Variants in DIAPH2 observed in about 807,000 individuals in gnomAD.
DIAPH2 encodes diaphanous related formin 2.
Under a neutral mutation model 92.7 loss-of-function variants are expected in DIAPH2, and 35 were observed. The observed-to-expected ratio is 0.38, with a 90% CI of 0.29 to 0.50. DIAPH2 has a LOEUF of 0.50. DIAPH2 is among the 20% of genes least tolerant of loss of function. The pLI, the probability that DIAPH2 is intolerant of heterozygous loss-of-function variation, is 0.94. For missense variants in DIAPH2, 701 were observed against 819.5 expected (o/e 0.86, Z 1.77); for synonymous variants, 301 against 280.4 (o/e 1.07, Z -0.73).
At chrX:96,854,827 C>T (rs956280977) in intron 4 of DIAPH2, among the ~76,000 whole-genome samples, 16 of 106,445 alleles carry the variant, frequency 1.5e-4, no homozygotes, top group Non-Finnish European at 2.9e-4. Context: ...CTGCAATTTT[C>T]CATTTAATAT....
At chrX:97,084,459 T>A (rs2066769197) in intron 19 of DIAPH2, among the ~76,000 whole-genome samples, 1 of 111,257 alleles carries the variant, frequency 9.0e-6, no homozygotes, top group Non-Finnish European at 1.9e-5. Context: ...CCCTCAGTTT[T>A]CTATGTTAAT....
At chrX:97,275,073 T>C (rs2068427539) in intron 23 of DIAPH2, among the ~76,000 whole-genome samples, 1 of 112,255 alleles carries the variant, frequency 8.9e-6, no homozygotes, top group Non-Finnish European at 1.9e-5. Flanking sequence ...ATCTGATTTC[T>C]CTATCTTTTC....
chrX:96,873,994 A>C (rs1328966042), intron 4 of DIAPH2, among the ~76,000 whole-genome samples: 1 of 112,035 alleles, frequency 8.9e-6, no homozygotes, highest in Non-Finnish European at 1.9e-5. Flanking sequence ...GTATAACTCA[A>C]GTAATTTTGA....
chrX:96,888,488 GAT>G (rs1194002491), intron 5 of DIAPH2, among the ~76,000 whole-genome samples: 3 of 102,758 alleles, frequency 2.9e-5, no homozygotes, highest in African/African-American at 1.1e-4. Flanking sequence ...ATATAACACA[GAT>G]ATATATCTCT....
At chrX:96,851,127 G>T in intron 4 of DIAPH2, among the ~76,000 whole-genome samples, 1 of 111,394 alleles carries the variant, frequency 9.0e-6, no homozygotes, top group Non-Finnish European at 1.9e-5. Context: ...TTTGAGACAG[G>T]GTCTTGCCCT....
intron 26 of DIAPH2, among the ~76,000 whole-genome samples, chrX:97,546,841 A>G (rs184994319): frequency 1.4e-3 from 153 of 110,938 alleles, no homozygotes; most frequent in Non-Finnish European, 2.0e-3. Context: ...GTCTCAAAAA[A>G]AAAAAAGTTA....
At chrX:97,492,707 A>T (rs1228861702) in intron 26 of DIAPH2, among the ~76,000 whole-genome samples, 1 of 111,305 alleles carries the variant, frequency 9.0e-6, no homozygotes, top group East Asian at 2.8e-4. Flanking sequence ...CAACACTTTG[A>T]ATATTATAAG....
At chrX:97,005,524 G>A (rs1602707850) in intron 17 of DIAPH2, among the ~76,000 whole-genome samples, 2 of 110,993 alleles carry the variant, frequency 1.8e-5, no homozygotes, top group African/African-American at 6.6e-5. Context: ...TTGGTAGGTT[G>A]TATGTGTCTA....
intron 1 of DIAPH2, among the ~76,000 whole-genome samples, chrX:96,718,363 TTTTTTTTTTTTA>T: frequency 1.4e-5 from 1 of 73,676 alleles, no homozygotes; most frequent in African/African-American, 4.9e-5. Context: ...TTTTTTTTTT[TTTTTTTTTTTTA>T]TGGTGTCTCA....
chrX:97,035,278 T>G (rs752977213), intron 17 of DIAPH2, among the ~76,000 whole-genome samples: 2 of 112,061 alleles, frequency 1.8e-5, no homozygotes, highest in Non-Finnish European at 1.9e-5. Context: ...GACGCCTTCA[T>G]TATTGGGAAT....
chrX:96,870,757 G>A (rs1192070880), intron 4 of DIAPH2, among the ~76,000 whole-genome samples: 2 of 111,790 alleles, frequency 1.8e-5, no homozygotes, highest in Admixed American at 9.6e-5. Context: ...TAGAAGGCTA[G>A]CGTTTTGAAA....
chrX:97,439,049 C>T (rs773420291), intron 26 of DIAPH2, among the ~76,000 whole-genome samples: 1 of 111,780 alleles, frequency 8.9e-6, no homozygotes, highest in African/African-American at 3.2e-5. Flanking sequence ...ATTTATGGCT[C>T]ATACAAAGAG....
chrX:96,890,133 C>G (rs372156356), intron 5 of DIAPH2, among the ~76,000 whole-genome samples: 10 of 111,593 alleles, frequency 9.0e-5, no homozygotes, highest in African/African-American at 2.9e-4. Context: ...GAAGTGACAC[C>G]CCAGGATCCT....
chrX:96,775,783 AG>A (rs1419604800), intron 4 of DIAPH2, among the ~76,000 whole-genome samples: 8 of 111,436 alleles, frequency 7.2e-5, no homozygotes, highest in African/African-American at 2.6e-4. Context: ...CTGGAGCCTA[AG>A]TCTCTTTATC....
intron 22 of DIAPH2, among the ~76,000 whole-genome samples, chrX:97,144,617 AGC>A (rs200603765): frequency 0.6 from 41,231 of 68,953 alleles, 6,912 homozygotes; most frequent in South Asian, 0.74. Context: ...ATGTGTATAT[AGC>A]GTGTATATAT....
intron 17 of DIAPH2, among the ~76,000 whole-genome samples, chrX:96,977,152 G>A (rs1431078911): frequency 8.9e-6 from 1 of 111,775 alleles, no homozygotes; most frequent in Non-Finnish European, 1.9e-5. Context: ...TAATCATATA[G>A]TTCCACATAT....
At chrX:96,924,195 G>A (rs2065564757) in intron 9 of DIAPH2, among the ~76,000 whole-genome samples, 1 of 111,573 alleles carries the variant, frequency 9.0e-6, no homozygotes, top group African/African-American at 3.3e-5. Flanking sequence ...GAAAATTTGT[G>A]GAAATTAGCA....
At chrX:96,842,124 C>G (rs1299716865) in intron 4 of DIAPH2, among the ~76,000 whole-genome samples, 1 of 111,811 alleles carries the variant, frequency 8.9e-6, no homozygotes, top group Non-Finnish European at 1.9e-5. Context: ...AGGCCTGACA[C>G]TTTCCTGCCT....
intron 22 of DIAPH2, among the ~76,000 whole-genome samples, chrX:97,220,058 A>C (rs2067912323): frequency 8.9e-6 from 1 of 111,898 alleles, no homozygotes; most frequent in African/African-American, 3.2e-5. Flanking sequence ...GATTCTTTGC[A>C]GAATAAACAC....
Sources: gnomAD v4.1 joint callset for allele counts (sites outside exome capture counted in the v4.1 genomes callset) on GRCh38, gnomAD v4.1.1 for gene constraint, MANE v1.5 for transcripts, NCBI Gene and HGNC (gene_info 2026-07-23, HGNC 2026-07-21) for gene names.